The following PRIMA1 variants were observed in gnomAD, a reference collection of about 807,000 sequenced individuals.
PRIMA1 encodes proline-rich membrane anchor 1.
In PRIMA1, 7 loss-of-function variants were observed where a neutral mutation model predicts 17.5. The observed-to-expected ratio is 0.40, with a 90% CI of 0.23 to 0.75. The LOEUF (loss-of-function observed/expected upper bound fraction) is 0.75. Ranked by LOEUF, PRIMA1 falls within the 30% of genes least tolerant of loss-of-function variation. PRIMA1 has a pLI of 0.37. For synonymous variants in PRIMA1, 97 were observed against 77.9 expected (o/e 1.25, Z -1.29); for missense variants, 200 against 201.8 (o/e 0.99, Z 0.05).
chr14:93,748,349 A>C (rs567952592), intron 3 of PRIMA1, among the ~76,000 whole-genome samples: 1 of 152,288 alleles, frequency 6.6e-6, no homozygotes, highest in East Asian at 1.9e-4. Context: ...CTGCATAGAC[A>C]CAAAGCAGGC....
At chr14:93,723,381 GTGACC>G (rs2076054999) in intron 4 of PRIMA1, among the ~76,000 whole-genome samples, 1 of 152,152 alleles carries the variant, frequency 6.6e-6, no homozygotes, top group Non-Finnish European at 1.5e-5. Context: ...CTGGTGCCTG[GTGACC>G]AGCTCGATGT....
chr14:93,737,278 T>C lies in PRIMA1; in HGVS notation c.322A>G (p.Thr108Ala). Reference sequence around the variant, plus strand: ...TTGTAGCAAATGATGACAAGCACAGTCAGAAACACCAGGGAGGCACAGCAT... The same window carrying C: ...TTGTAGCAAATGATGACAAGCACAGCCAGAAACACCAGGGAGGCACAGCAT... ...AVCCASLVFL[T>A]VLVIICYKAI... is the part of the protein sequence containing the mutation. Residue 108 changes from threonine to alanine, a missense_variant, in exon 4 of 5, where the codon ACT (threonine) becomes GCT (alanine). Coordinates refer to ENST00000393140, the MANE Select transcript of PRIMA1 (RefSeq NM_178013.4). 6.2e-7 allele frequency: 1 copy of C among 1,614,104 alleles called. No individual in the cohort carries two copies. Among genetic ancestry groups the C allele is most frequent in the Non-Finnish European group, 8.5e-7 (1 of 1,180,030 alleles).
intron 4 of PRIMA1, among the ~76,000 whole-genome samples, chr14:93,731,199 A>C (rs2141155809): frequency 6.6e-6 from 1 of 152,344 alleles, no homozygotes; most frequent in East Asian, 1.9e-4. Context: ...TTCTAGGTGG[A>C]GAATGAGAAG....
chr14:93,746,544 GAAGGAGATGGGA>G (rs1261612572), intron 3 of PRIMA1, among the ~76,000 whole-genome samples: 2 of 152,094 alleles, frequency 1.3e-5, no homozygotes, highest in Non-Finnish European at 2.9e-5. Flanking sequence ...GGGGAGACTA[GAAGGAGATGGGA>G]CCACATGGGG....
chr14:93,729,066 C>A (rs911166398), intron 4 of PRIMA1, among the ~76,000 whole-genome samples: 3 of 152,186 alleles, frequency 2.0e-5, no homozygotes, highest in African/African-American at 7.2e-5. Flanking sequence ...CTCCAAAGAG[C>A]CAAGCCCCAG....
chr14:93,727,892 C>T (rs1036517499), intron 4 of PRIMA1, among the ~76,000 whole-genome samples: 1 of 152,222 alleles, frequency 6.6e-6, no homozygotes, highest in Non-Finnish European at 1.5e-5. Flanking sequence ...CAGGAGAGAC[C>T]TGCCCTGAGC....
chr14:93,736,184 C>G (rs558000691), intron 4 of PRIMA1, among the ~76,000 whole-genome samples: 1 of 152,196 alleles, frequency 6.6e-6, no homozygotes, highest in South Asian at 2.1e-4. Flanking sequence ...ACACTGGAGT[C>G]GAACTCGTCA....
chr14:93,747,397 G>T (rs1278117933), intron 3 of PRIMA1, among the ~76,000 whole-genome samples: 1 of 152,206 alleles, frequency 6.6e-6, no homozygotes, highest in African/African-American at 2.4e-5. Flanking sequence ...CGGATTCGGG[G>T]AGTCAAAGAG....
chr14:93,783,930 C>T (rs1211658575), intron 2 of PRIMA1, among the ~76,000 whole-genome samples: 3 of 152,010 alleles, frequency 2.0e-5, no homozygotes, highest in Non-Finnish European at 4.4e-5. Flanking sequence ...GTCCTACCAC[C>T]GTCCTACTCC....
intron 3 of PRIMA1, among the ~76,000 whole-genome samples, chr14:93,756,528 C>T (rs1014007660): frequency 6.6e-6 from 1 of 152,156 alleles, no homozygotes. Flanking sequence ...TAGCTCCTGG[C>T]CCCGGACCCC....
chr14:93,785,672 T>C (rs567243242), intron 2 of PRIMA1, among the ~76,000 whole-genome samples: 4 of 152,348 alleles, frequency 2.6e-5, no homozygotes, highest in Non-Finnish European at 5.9e-5. Context: ...TTTAGCTCTT[T>C]TGCTTAAAGC....
intron 3 of PRIMA1, among the ~76,000 whole-genome samples, chr14:93,740,572 G>A (rs2076178595): frequency 6.6e-6 from 1 of 152,208 alleles, no homozygotes; most frequent in African/African-American, 2.4e-5. Flanking sequence ...GACACCTCTG[G>A]GAGAGACCCC....
At position 93,779,211 on chromosome 14, in the gene PRIMA1, G is replaced by T; in HGVS notation, c.194C>A (p.Pro65Gln). The stretch of plus-strand genomic sequence containing the variant: ...GAGGAGTCTGGGAGGTGGCGGGGGT[G>T]GGGGCGGCGGGGGCAGCGGGGGAGG... ...RPPPPLPPPP[P>Q]PPPPPRLLSA... The change falls in exon 3 of 5, where the codon CCA becomes CAA. Residue 65 changes from proline to glutamine, a missense_variant. By Grantham distance (76) the Pro-to-Gln change is moderately conservative (BLOSUM62 -1). Coordinates refer to ENST00000393140, the MANE Select transcript of PRIMA1 (RefSeq NM_178013.4). 7.5e-7 allele frequency: 1 copy of T among 1,333,966 alleles called. No homozygotes were observed. The highest frequency in any genetic ancestry group is 2.9e-5 in the East Asian group (1 of 34,050). 82.6% of individuals were successfully genotyped at this position (1,333,966 alleles called of 1,614,324 possible).
intron 3 of PRIMA1, among the ~76,000 whole-genome samples, chr14:93,745,115 C>A (rs899068998): frequency 6.6e-6 from 1 of 152,196 alleles, no homozygotes; most frequent in Non-Finnish European, 1.5e-5. Context: ...CTGCCTCCTG[C>A]ATGCCAACCA....
At chr14:93,748,639 C>T (rs2076241728) in intron 3 of PRIMA1, among the ~76,000 whole-genome samples, 1 of 152,132 alleles carries the variant, frequency 6.6e-6, no homozygotes, top group Non-Finnish European at 1.5e-5. Flanking sequence ...GGCTCTGTGC[C>T]CTTCCATCTA....
At chr14:93,761,240 A>G (rs1884715366) in intron 3 of PRIMA1, among the ~76,000 whole-genome samples, 1 of 152,210 alleles carries the variant, frequency 6.6e-6, no homozygotes, top group Non-Finnish European at 1.5e-5. Context: ...AATCTCAACT[A>G]TTCTGGAGGC....
chr14:93,779,902 C>A lies in PRIMA1; in HGVS notation c.94-591G>T, dbSNP rs150430720. Among the ~76,000 whole-genome samples the A allele has an allele frequency of 4.0e-3, 615 of 152,344 alleles. 5 individuals are homozygous for A. Among genetic ancestry groups the A allele is most frequent in the Middle Eastern group, 0.01 (3 of 294 alleles). ...AGGGAGCAGAGCAACCTGCTTGATG[C>A]TCTCCACTCAGCATCCAGGTGGTCT... On this transcript the variant is annotated intron_variant, in intron 2 of 4. Transcript: ENST00000393140.
chr14:93,738,904 G>A (rs1225594996), intron 3 of PRIMA1, among the ~76,000 whole-genome samples: 1 of 152,154 alleles, frequency 6.6e-6, no homozygotes, highest in Non-Finnish European at 1.5e-5. Context: ...CACATACATG[G>A]AATCATGCAG....
intron 4 of PRIMA1, among the ~76,000 whole-genome samples, chr14:93,725,109 G>A (rs985562995): frequency 1.3e-5 from 2 of 151,260 alleles, no homozygotes; most frequent in Admixed American, 1.3e-4. Context: ...GGAAGGCAGG[G>A]TGAGGAGGGG....
Sources: allele counts gnomAD v4.1 joint callset (sites outside exome capture counted in the v4.1 genomes callset), GRCh38; gene constraint gnomAD v4.1.1; transcripts MANE v1.5; gene names NCBI Gene and HGNC (gene_info 2026-07-23, HGNC 2026-07-21).